The following TFAM variants were observed in gnomAD, a reference collection of about 807,000 sequenced individuals.
TFAM encodes the protein transcription factor A, mitochondrial.
Under a neutral mutation model 30.6 loss-of-function variants are expected in TFAM, and 13 were observed. That is an observed-to-expected ratio of 0.42 (90% CI 0.28 to 0.67). The LOEUF is 0.67. TFAM is among the 30% of genes least tolerant of loss of function. The pLI, the probability that TFAM is intolerant of heterozygous loss-of-function variation, is 0.21. For synonymous variants in TFAM, 106 were observed against 94.8 expected (o/e 1.12, Z -0.69); for missense variants, 231 against 293.7 (o/e 0.79, Z 1.56).
chr10:58,386,530 G>A (rs906930526), intron 2 of TFAM, 192 bp downstream of exon 2: 1 of 732,886 alleles, frequency 1.4e-6, no homozygotes, highest in African/African-American at 1.8e-5. Flanking sequence ...CTAGTAAATG[G>A]TATTTTAAAA....
In TFAM at chr10:58,395,252, T is replaced by C. The variant is rs950572295; in HGVS notation, c.*178T>C. 6.4e-5 allele frequency: 42 copies of C among 651,824 alleles called. No individual in the cohort carries two copies. Among genetic ancestry groups the C allele is most frequent in the Non-Finnish European group, 1.0e-4 (40 of 381,882 alleles). 40.4% of individuals were successfully genotyped at this position (651,824 alleles called of 1,614,324 possible). A position where few individuals can be genotyped will look rare whatever the true frequency, so the allele number is the denominator to read the frequency against. On this transcript the variant is annotated 3_prime_UTR_variant, in exon 7 of 7. Transcript: ENST00000487519. ...TAATACTTGCTTTGGAAAACCCAGA[T>C]AAAGGTTCATGCAAACTTTATTTTG... is the stretch of plus-strand genomic sequence containing the variant.
chr10:58,388,542 C>G, intron 3 of TFAM, 128 bp from the exon 4 acceptor site: 1 of 1,024,184 alleles, frequency 9.8e-7, no homozygotes, highest in Non-Finnish European at 1.5e-6. Flanking sequence ...CATCTCATCC[C>G]AGAGCACATT....
chr10:58,388,160 C>A (rs768390479), intron 2 of TFAM, 30 bp from the exon 3 acceptor site: 1 of 1,574,652 alleles, frequency 6.4e-7, no homozygotes, highest in Non-Finnish European at 8.7e-7. Context: ...AAAATTGTGG[C>A]ATCTTTTTTC....
At chr10:58,394,610 T>A in intron 6 of TFAM, 196 bp downstream of exon 6, 1 of 720,760 alleles carries the variant, frequency 1.4e-6, no homozygotes, top group Non-Finnish European at 2.5e-6. Context: ...AATTGGTATT[T>A]GAAACCACAG....
At position 58,397,545 on chromosome 10, in the gene TFAM, A is replaced by T. The variant is rs990079315; in HGVS notation, c.*2471A>T. 2 of 152,154 alleles carry T rather than the reference A, an allele frequency of 1.3e-5. No homozygotes were observed. The highest frequency in any genetic ancestry group is 2.9e-5 in the Non-Finnish European group (2 of 68,026). 9.4% of individuals were successfully genotyped at this position (152,154 alleles called of 1,614,324 possible). On this transcript the variant is annotated 3_prime_UTR_variant, in exon 7 of 7. Transcript: ENST00000487519. ...AATAATGTAATTTTTAATATTTTAA[A>T]TAATAGGATAACCTGGTTTCCAAGC...
chr10:58,394,797 T>A, intron 6 of TFAM, 131 bp from the exon 7 acceptor site: 1 of 874,882 alleles, frequency 1.1e-6, no homozygotes, highest in Non-Finnish European at 1.8e-6. Flanking sequence ...CAGTCTGCCT[T>A]TATACATGTA....
At chr10:58,389,162 C>T (rs1248552781) in intron 4 of TFAM, among the ~76,000 whole-genome samples, 3 of 152,118 alleles carry the variant, frequency 2.0e-5, no homozygotes, top group South Asian at 2.1e-4. Context: ...TTTAGAATAA[C>T]GTATTAATTT....
intron 3 of TFAM, 134 bp from the exon 4 acceptor site, chr10:58,388,536 T>C: frequency 1.0e-6 from 1 of 977,186 alleles, no homozygotes; most frequent in Admixed American, 1.8e-5. Flanking sequence ...CATATACATC[T>C]CATCCCAGAG....
Position 58,398,270 on chromosome 10 carries a change from C to G in TFAM, c.*3196C>G, listed in dbSNP as rs1840725535. 6.6e-6 allele frequency: 1 copy of G among 152,194 alleles called. No homozygotes were observed. Among genetic ancestry groups the G allele is most frequent in the South Asian group, 2.1e-4 (1 of 4,832 alleles). The allele number at this position is 152,194 out of a possible 1,614,324, so 9.4% of individuals were successfully genotyped here. ...TTAATTTCATCCAACAAAGTAGTTG[C>G]TGTAGGAGCTGAGTGTTAGAAGGAA... On this transcript the variant is annotated 3_prime_UTR_variant, in exon 7 of 7. Coordinates refer to ENST00000487519, the MANE Select transcript of TFAM (RefSeq NM_003201.3).
At chr10:58,390,456 G>A (rs1840570416) in intron 4 of TFAM, among the ~76,000 whole-genome samples, 1 of 152,066 alleles carries the variant, frequency 6.6e-6, no homozygotes, top group African/African-American at 2.4e-5. Flanking sequence ...ATGAACCTAA[G>A]GTTGTTTTAT....
At chr10:58,394,549 T>C in intron 6 of TFAM, 135 bp downstream of exon 6, 2 of 887,530 alleles carry the variant, frequency 2.3e-6, no homozygotes. Flanking sequence ...ATTTTCATAT[T>C]CTCAGAACCA....
intron 4 of TFAM, among the ~76,000 whole-genome samples, chr10:58,389,837 T>A (rs917709322): frequency 2.0e-5 from 3 of 152,244 alleles, no homozygotes; most frequent in Non-Finnish European, 1.5e-5. Context: ...AAAGTTTCCC[T>A]TGTCATTCTC....
chr10:58,388,927 CA>C, intron 4 of TFAM, 108 bp downstream of exon 4: 1 of 1,058,112 alleles, frequency 9.5e-7, no homozygotes, highest in Non-Finnish European at 1.4e-6. Flanking sequence ...GGTAGAATGT[CA>C]TCAAGTATTC....
At chr10:58,385,678 A>C in intron 1 of TFAM, 30 bp downstream of exon 1, 1 of 1,512,096 alleles carries the variant, frequency 6.6e-7, no homozygotes, top group Non-Finnish European at 9.0e-7. Context: ...CCCTAGGGGC[A>C]GCAGGGCCCA....
rs556831177 is a variant in TFAM at position 58,395,385 on chromosome 10, A to G, written c.*311A>G. ...GTTTTTTTTATACAGGATGATGACT[A>G]TGGAAAGAGTACTCTTGTTTCCTTA... On this transcript the variant is annotated 3_prime_UTR_variant, in exon 7 of 7. Transcript: ENST00000487519. 29 of 352,944 alleles carry G rather than the reference A, an allele frequency of 8.2e-5. No individual in the cohort carries two copies. Among genetic ancestry groups the G allele is most frequent in the South Asian group, 1.3e-4 (4 of 31,596 alleles). The allele number at this position is 352,944 out of a possible 1,614,324, so 21.9% of individuals were successfully genotyped here.
rs1049432 is a variant in TFAM at position 58,395,360 on chromosome 10, G to C, written c.*286G>C. ...TGACAAAGGTAAATCAGACTATGAA[G>C]TTTTTTTTATACAGGATGATGACTA... On this transcript the variant is annotated 3_prime_UTR_variant, in exon 7 of 7. Coordinates refer to ENST00000487519, the MANE Select transcript of TFAM (RefSeq NM_003201.3). 2.6e-6 allele frequency: 1 copy of C among 388,080 alleles called. No homozygotes were observed. Among genetic ancestry groups the C allele is most frequent in the East Asian group, 5.3e-5 (1 of 18,718 alleles). 24.0% of individuals were successfully genotyped at this position (388,080 alleles called of 1,614,324 possible).
intron 4 of TFAM, among the ~76,000 whole-genome samples, chr10:58,389,047 C>T (rs1319002482): frequency 6.6e-6 from 1 of 152,128 alleles, no homozygotes; most frequent in Non-Finnish European, 1.5e-5. Flanking sequence ...GCAGATGTAT[C>T]CACATTTAAG....
At chr10:58,393,021 C>T (rs919421718) in intron 5 of TFAM, among the ~76,000 whole-genome samples, 1 of 149,642 alleles carries the variant, frequency 6.7e-6, no homozygotes, top group South Asian at 2.1e-4. Context: ...ACTCTGTGGC[C>T]CAGGCTGGAG....
intron 3 of TFAM, 33 bp from the exon 4 acceptor site, chr10:58,388,637 G>A (rs2132352817): frequency 6.2e-7 from 1 of 1,610,932 alleles, no homozygotes; most frequent in South Asian, 1.1e-5. Flanking sequence ...GCCAGCAATG[G>A]TTTGTTGACT....
Sources: allele counts gnomAD v4.1 joint callset (sites outside exome capture counted in the v4.1 genomes callset), GRCh38; gene constraint gnomAD v4.1.1; transcripts MANE v1.5; gene names NCBI Gene and HGNC (gene_info 2026-07-23, HGNC 2026-07-21).